GXYLT1: variants seen among roughly 807,000 people sequenced by gnomAD.
GXYLT1 encodes the protein glucoside xylosyltransferase 1.
GXYLT1 carries 29 observed loss-of-function variants against 54.0 expected under a neutral mutation model. That is an observed-to-expected ratio of 0.54 (90% CI 0.40 to 0.73). The LOEUF is 0.73. Among genes scored for constraint, GXYLT1 ranks in the 30% least tolerant of loss-of-function variants. The pLI, the probability that GXYLT1 is intolerant of heterozygous loss-of-function variation, is 0.00. For missense variants in GXYLT1, 490 were observed against 553.4 expected (o/e 0.89, Z 1.15); for synonymous variants, 176 against 204.1 (o/e 0.86, Z 1.17).
At chr12:42,108,826 T>C (rs2065435569) in intron 4 of GXYLT1, among the ~76,000 whole-genome samples, 2 of 152,182 alleles carry the variant, frequency 1.3e-5, no homozygotes, top group Non-Finnish European at 2.9e-5. Flanking sequence ...CGGAACCTTG[T>C]GTGCTTCTTA....
At chr12:42,136,749 T>C (rs1423079100) in intron 1 of GXYLT1, among the ~76,000 whole-genome samples, 1 of 147,880 alleles carries the variant, frequency 6.8e-6, no homozygotes, top group Non-Finnish European at 1.5e-5. Flanking sequence ...CAGGAGGTTT[T>C]TTATACATAC....
At chr12:42,137,989 C>T (rs1383810355) in intron 1 of GXYLT1, among the ~76,000 whole-genome samples, 4 of 152,134 alleles carry the variant, frequency 2.6e-5, no homozygotes, top group Non-Finnish European at 4.4e-5. Flanking sequence ...GTTTCCAAGT[C>T]GGGCGCAGTG....
chr12:42,110,114 A>G (rs1380571385), intron 3 of GXYLT1, among the ~76,000 whole-genome samples: 2 of 152,230 alleles, frequency 1.3e-5, no homozygotes, highest in Admixed American at 1.3e-4. Context: ...CAAATATGAA[A>G]CTAGTTAAAA....
intron 7 of GXYLT1, among the ~76,000 whole-genome samples, chr12:42,090,667 A>G (rs2065324332): frequency 6.6e-6 from 1 of 152,234 alleles, no homozygotes; most frequent in Non-Finnish European, 1.5e-5. Context: ...AAAATACAGG[A>G]GAATGGCAGT....
intron 1 of GXYLT1, among the ~76,000 whole-genome samples, chr12:42,143,521 A>C (rs2136925550): frequency 6.6e-6 from 1 of 152,274 alleles, no homozygotes; most frequent in Middle Eastern, 3.4e-3. Context: ...CTCTTCCGAC[A>C]AACCCTATAC....
At chr12:42,133,074 G>A (rs2065601535) in intron 1 of GXYLT1, among the ~76,000 whole-genome samples, 1 of 152,140 alleles carries the variant, frequency 6.6e-6, no homozygotes, top group African/African-American at 2.4e-5. Context: ...CTTGAGGTCA[G>A]GAGTTTGAGA....
rs530711856 is a variant in GXYLT1, at chr12:42,104,247, G to C, written c.864+1571C>G. ...CATAAATTTCAAATGCAGTTATTGA[G>C]AAGTCACATTTTTTTTTTTTGCAGA... On this transcript the variant is annotated intron_variant, in intron 5 of 7. Coordinates refer to ENST00000398675, the MANE Select transcript of GXYLT1 (RefSeq NM_173601.2). Among the ~76,000 whole-genome samples the C allele has an allele frequency of 3.5e-5, 4 of 114,756 alleles. No homozygotes were observed. In the East Asian group the frequency reaches 1.0e-3, roughly 30 times the overall value. The allele number at this position is 114,756 out of a possible 152,430, so 75.3% of individuals were successfully genotyped here. A position where few individuals can be genotyped will look rare whatever the true frequency, so the allele number is the denominator to read the frequency against.
rs2136927123 is a variant in GXYLT1, at chr12:42,144,824, G to A, written c.-178C>T. On this transcript the variant is annotated 5_prime_UTR_variant, in exon 1 of 8. Coordinates refer to ENST00000398675, the MANE Select transcript of GXYLT1 (RefSeq NM_173601.2). ...GCCCACCACCTAGGCGAGCGCAGTC[G>A]CGGCTCCGGAGCCGAAGGACTACCC... is the stretch of plus-strand genomic sequence containing the variant. 2.0e-5 allele frequency: 8 copies of A among 396,320 alleles called. 1 individual carries two copies. 24.6% of individuals were successfully genotyped at this position (396,320 alleles called of 1,614,324 possible).
Position 42,144,696 on chromosome 12 carries a change from G to C in GXYLT1, c.-50C>G, listed in dbSNP as rs777934965. The stretch of plus-strand genomic sequence containing the variant: ...CCGCCGCCGCCGCGCCCGCCCCGAC[G>C]AACTGGAGCGGAGGGAGGGGCACCG... On this transcript the variant is annotated 5_prime_UTR_variant, in exon 1 of 8. Transcript: ENST00000398675. 51 of 1,165,844 alleles carry C rather than the reference G, an allele frequency of 4.4e-5. 1 individual carries two copies. The highest frequency in any genetic ancestry group is 5.6e-5 in the Non-Finnish European group (49 of 870,348). 72.2% of individuals were successfully genotyped at this position (1,165,844 alleles called of 1,614,324 possible).
intron 5 of GXYLT1, among the ~76,000 whole-genome samples, chr12:42,098,786 A>ATATATATATATATATATATATATAT (rs1565567184): frequency 1.9e-5 from 1 of 52,278 alleles, no homozygotes; most frequent in African/African-American, 7.5e-5. Context: ...TATATATATA[A>ATATATATATATATATATATATATAT]TACATGTGTG....
chr12:42,126,979 G>A (rs919199734), intron 2 of GXYLT1, among the ~76,000 whole-genome samples: 1 of 152,024 alleles, frequency 6.6e-6, no homozygotes, highest in Non-Finnish European at 1.5e-5. Context: ...TGTAATAGGA[G>A]TTGAGGCCAT....
At chr12:42,115,042 T>C (rs2065484749) in intron 3 of GXYLT1, among the ~76,000 whole-genome samples, 1 of 152,176 alleles carries the variant, frequency 6.6e-6, no homozygotes, top group Non-Finnish European at 1.5e-5. Flanking sequence ...CATGATTATC[T>C]CAATAGATGC....
rs1407061789 is a variant in GXYLT1 at position 42,082,568 on chromosome 12, T to G, written c.*5218A>C. On this transcript the variant is annotated 3_prime_UTR_variant, in exon 8 of 8. Transcript: ENST00000398675. ...ATCTTGGCTCTCTGCAGCCTCAAACTCTTGCACTCAAGCAATCCTCCTGCC... is the reference window on the plus strand; with the variant it reads ...ATCTTGGCTCTCTGCAGCCTCAAACGCTTGCACTCAAGCAATCCTCCTGCC... The G allele has an allele frequency of 6.6e-6, 1 of 152,178 alleles. No individual in the cohort carries two copies. Among genetic ancestry groups the G allele is most frequent in the Non-Finnish European group, 1.5e-5 (1 of 68,050 alleles). The allele number at this position is 152,178 out of a possible 1,614,324, so 9.4% of individuals were successfully genotyped here.
intron 1 of GXYLT1, among the ~76,000 whole-genome samples, chr12:42,136,987 G>T (rs2065623439): frequency 6.6e-6 from 1 of 152,036 alleles, no homozygotes; most frequent in Non-Finnish European, 1.5e-5. Context: ...GCCAAGGCTG[G>T]TCTAGAACTT....
intron 1 of GXYLT1, among the ~76,000 whole-genome samples, chr12:42,135,718 T>C (rs1449298993): frequency 6.6e-6 from 1 of 152,188 alleles, no homozygotes; most frequent in Non-Finnish European, 1.5e-5. Context: ...GGCCACATAC[T>C]GTGTGATTCC....
intron 2 of GXYLT1, among the ~76,000 whole-genome samples, chr12:42,126,710 T>C (rs1281342840): frequency 6.6e-6 from 1 of 151,958 alleles, no homozygotes; most frequent in Non-Finnish European, 1.5e-5. Flanking sequence ...CTGAGCAACA[T>C]GGTGAAACCC....
At chr12:42,129,890 A>G in intron 1 of GXYLT1, 39 bp from the exon 2 acceptor site, 1 of 1,388,866 alleles carries the variant, frequency 7.2e-7, no homozygotes, top group Non-Finnish European at 1.0e-6. Context: ...CTGTGTGAGT[A>G]TTTTGGTTTG....
At chr12:42,107,117 C>A (rs916907399) in intron 4 of GXYLT1, among the ~76,000 whole-genome samples, 1 of 152,132 alleles carries the variant, frequency 6.6e-6, no homozygotes, top group Non-Finnish European at 1.5e-5. Context: ...AAATTTACCG[C>A]CTATCCTGGT....
intron 1 of GXYLT1, among the ~76,000 whole-genome samples, chr12:42,130,813 G>A (rs965756500): frequency 1.3e-5 from 2 of 152,094 alleles, no homozygotes; most frequent in South Asian, 2.1e-4. Flanking sequence ...TGGACATGGT[G>A]GCATTTACCT....
Sources: gnomAD v4.1 joint callset for allele counts (sites outside exome capture counted in the v4.1 genomes callset) on GRCh38, gnomAD v4.1.1 for gene constraint, MANE v1.5 for transcripts, NCBI Gene and HGNC (gene_info 2026-07-23, HGNC 2026-07-21) for gene names.